STK39: variants seen among roughly 807,000 people sequenced by gnomAD.
STK39 encodes serine/threonine kinase 39.
In STK39, 20 loss-of-function variants were observed where a neutral mutation model predicts 77.8. The observed-to-expected ratio is 0.26, with a 90% CI of 0.18 to 0.37. STK39 has a LOEUF of 0.37. Among genes scored for constraint, STK39 ranks in the 10% least tolerant of loss-of-function variants. The probability of loss-of-function intolerance (pLI) is 1.00; values close to 1 mark genes in which losing one functional copy is unlikely to be tolerated. For missense variants in STK39, 479 were observed against 656.5 expected (o/e 0.73, Z 2.95); for synonymous variants, 246 against 234.1 (o/e 1.05, Z -0.47).
chr2:168,173,033 T>C (rs1271556065), intron 2 of STK39, among the ~76,000 whole-genome samples: 1 of 152,098 alleles, frequency 6.6e-6, no homozygotes, highest in Non-Finnish European at 1.5e-5. Flanking sequence ...TCCCAGGTGG[T>C]TCTAATGTGC....
Position 168,036,189 on chromosome 2 carries a change from T to A in STK39, c.1377-19094A>T, listed in dbSNP as rs577627173. On this transcript the variant is annotated intron_variant, in intron 14 of 17. Transcript: ENST00000355999. ...TAGCCCAAATCAGCGTGGGCGCCAA[T>A]ACCAAAACCACAGTACTGTGAGTCC... Among the ~76,000 whole-genome samples, 5 of 151,314 alleles carry A rather than the reference T, an allele frequency of 3.3e-5. No homozygotes were observed. In the South Asian group the frequency reaches 1.0e-3, roughly 32 times the overall value.
intron 1 of STK39, among the ~76,000 whole-genome samples, chr2:168,228,237 ATCTAAGACTAG>A (rs1690358309): frequency 1.3e-5 from 2 of 152,346 alleles, no homozygotes; most frequent in South Asian, 4.1e-4. Flanking sequence ...GCAAGTATTA[ATCTAAGACTAG>A]TTTATTTTAC....
intron 10 of STK39, among the ~76,000 whole-genome samples, chr2:168,108,976 G>A (rs1687052065): frequency 6.6e-6 from 1 of 152,178 alleles, no homozygotes; most frequent in African/African-American, 2.4e-5. Flanking sequence ...ACAACTCAAT[G>A]TGTAGGTACT....
chr2:168,029,631 C>G (rs1342946056), intron 14 of STK39, among the ~76,000 whole-genome samples: 3 of 152,108 alleles, frequency 2.0e-5, no homozygotes, highest in African/African-American at 7.2e-5. Flanking sequence ...AAATGGATCG[C>G]CTATACACAC....
At chr2:168,091,268 C>T (rs1180894841) in intron 10 of STK39, among the ~76,000 whole-genome samples, 3 of 151,954 alleles carry the variant, frequency 2.0e-5, no homozygotes, top group Non-Finnish European at 4.4e-5. Context: ...GAAAGAAGAG[C>T]CAATGACTGC....
At chr2:168,215,035 T>G (rs899475835) in intron 1 of STK39, among the ~76,000 whole-genome samples, 1 of 152,250 alleles carries the variant, frequency 6.6e-6, no homozygotes, top group Admixed American at 6.5e-5. Flanking sequence ...CCATGATCCA[T>G]GTGTTTTCAA....
At chr2:168,176,502 C>A (rs1161465746) in intron 2 of STK39, among the ~76,000 whole-genome samples, 1 of 152,126 alleles carries the variant, frequency 6.6e-6, no homozygotes, top group Non-Finnish European at 1.5e-5. Context: ...CAAATCATAG[C>A]TAACTCATTT....
chr2:168,115,906 G>A (rs1452304991), intron 10 of STK39, among the ~76,000 whole-genome samples: 1 of 152,176 alleles, frequency 6.6e-6, no homozygotes, highest in Non-Finnish European at 1.5e-5. Context: ...ACCATGCGAA[G>A]CACTGGAACC....
At chr2:168,195,058 T>C (rs1287484744) in intron 1 of STK39, among the ~76,000 whole-genome samples, 3 of 152,244 alleles carry the variant, frequency 2.0e-5, no homozygotes, top group African/African-American at 7.2e-5. Flanking sequence ...TAAGTACTTG[T>C]TAAATTGACA....
chr2:168,061,328 AC>A (rs1685659230), intron 14 of STK39, among the ~76,000 whole-genome samples: 1 of 152,178 alleles, frequency 6.6e-6, no homozygotes, highest in Admixed American at 6.5e-5. Flanking sequence ...TATGGGCACT[AC>A]ATACAAAAGG....
intron 14 of STK39, among the ~76,000 whole-genome samples, chr2:168,063,196 T>TA (rs58393316): frequency 6.0e-5 from 9 of 151,040 alleles, no homozygotes; most frequent in South Asian, 2.1e-4. Flanking sequence ...TCTTACATTG[T>TA]AAAAAAAAAG....
chr2:167,974,760 T>C (rs983357625), intron 16 of STK39, among the ~76,000 whole-genome samples: 11 of 152,186 alleles, frequency 7.2e-5, no homozygotes, highest in African/African-American at 2.7e-4. Flanking sequence ...TAGTGTCTTT[T>C]AGGAGGTTCA....
At chr2:168,070,681 T>G (rs1685917823) in intron 12 of STK39, among the ~76,000 whole-genome samples, 1 of 148,712 alleles carries the variant, frequency 6.7e-6, no homozygotes, top group Admixed American at 6.7e-5. Flanking sequence ...CACCTATAAG[T>G]GAGAACATGC....
chr2:168,021,278 A>T (rs1023422143), intron 14 of STK39, among the ~76,000 whole-genome samples: 1 of 152,178 alleles, frequency 6.6e-6, no homozygotes, highest in African/African-American at 2.4e-5. Flanking sequence ...ATCTCTGCCT[A>T]TATCACCTGT....
intron 5 of STK39, among the ~76,000 whole-genome samples, chr2:168,145,219 A>C (rs189967905): frequency 1.3e-5 from 2 of 152,318 alleles, no homozygotes; most frequent in Admixed American, 1.3e-4. Context: ...AGCCAAGAAG[A>C]AAAACTGACA....
intron 14 of STK39, among the ~76,000 whole-genome samples, chr2:168,029,652 G>A (rs989190013): frequency 2.6e-5 from 4 of 152,110 alleles, no homozygotes; most frequent in Non-Finnish European, 5.9e-5. Flanking sequence ...TTCTTCCTGA[G>A]GCCCCAAAAG....
intron 1 of STK39, 147 bp downstream of exon 1, chr2:168,247,081 A>AC (rs1690936666): frequency 3.5e-6 from 1 of 287,872 alleles, no homozygotes; most frequent in Non-Finnish European, 5.1e-6. Context: ...AAAAAAAAAA[A>AC]AAAAAAAACT....
intron 16 of STK39, among the ~76,000 whole-genome samples, chr2:168,006,232 C>T (rs976301600): frequency 2.6e-5 from 4 of 152,182 alleles, no homozygotes; most frequent in African/African-American, 9.7e-5. Context: ...TGTATTGAGC[C>T]GTGCAGATTG....
intron 16 of STK39, among the ~76,000 whole-genome samples, chr2:167,965,904 A>G (rs763711879): frequency 1.3e-5 from 2 of 152,250 alleles, no homozygotes; most frequent in Admixed American, 6.5e-5. Context: ...ACCTAGATAC[A>G]TGGATTTTCT....
Sources: gnomAD v4.1 joint callset for allele counts (sites outside exome capture counted in the v4.1 genomes callset) on GRCh38, gnomAD v4.1.1 for gene constraint, MANE v1.5 for transcripts, NCBI Gene and HGNC (gene_info 2026-07-23, HGNC 2026-07-21) for gene names.